Variants in DENND1A observed in about 807,000 individuals in gnomAD.
The protein encoded by DENND1A is DENN domain containing 1A.
Under a neutral mutation model 113.7 loss-of-function variants are expected in DENND1A, and 51 were observed. That is an observed-to-expected ratio of 0.45 (90% confidence interval 0.36 to 0.57). The LOEUF is 0.57. DENND1A is among the 20% of genes least tolerant of loss of function. The pLI, the probability that DENND1A is intolerant of heterozygous loss-of-function variation, is 0.00. For missense variants in DENND1A, 1,258 were observed against 1,395.9 expected (o/e 0.90, Z 1.57); for synonymous variants, 565 against 570.8 (o/e 0.99, Z 0.14).
At chr9:123,895,205 A>AATG (rs1850536752) in intron 1 of DENND1A, among the ~76,000 whole-genome samples, 1 of 152,146 alleles carries the variant, frequency 6.6e-6, no homozygotes, top group African/African-American at 2.4e-5. Context: ...AGGTGCTGGG[A>AATG]CCATAGCTGC....
intron 2 of DENND1A, among the ~76,000 whole-genome samples, chr9:123,803,252 G>A (rs189849354): frequency 1.3e-5 from 2 of 152,254 alleles, no homozygotes; most frequent in East Asian, 3.9e-4. Context: ...TAAGGTATGT[G>A]GCTGGACAAA....
intron 3 of DENND1A, among the ~76,000 whole-genome samples, chr9:123,785,489 T>G (rs975033614): frequency 2.9e-4 from 42 of 144,262 alleles, no homozygotes; most frequent in Admixed American, 2.8e-3. Flanking sequence ...TGTGATAGAC[T>G]ATTTTTTTTT....
chr9:123,675,209 A>G (rs2064000167), intron 6 of DENND1A, among the ~76,000 whole-genome samples: 1 of 152,206 alleles, frequency 6.6e-6, no homozygotes, highest in Non-Finnish European at 1.5e-5. Flanking sequence ...CTCTAAAAAA[A>G]TGATTTAGTC....
chr9:123,481,424 G>A (rs1170889261), intron 13 of DENND1A, among the ~76,000 whole-genome samples: 1 of 152,246 alleles, frequency 6.6e-6, no homozygotes, highest in African/African-American at 2.4e-5. Context: ...GGAAGGACGC[G>A]TGCATTTACA....
At chr9:123,623,888 T>TG (rs2061073316) in intron 10 of DENND1A, among the ~76,000 whole-genome samples, 1 of 152,202 alleles carries the variant, frequency 6.6e-6, no homozygotes, top group African/African-American at 2.4e-5. Flanking sequence ...AACATGTCTT[T>TG]GTCCAGAAGT....
chr9:123,573,032 T>C (rs1307489307), intron 12 of DENND1A, among the ~76,000 whole-genome samples: 1 of 152,158 alleles, frequency 6.6e-6, no homozygotes, highest in African/African-American at 2.4e-5. Context: ...AGCACGTTTG[T>C]TGGAATAAAA....
intron 2 of DENND1A, among the ~76,000 whole-genome samples, chr9:123,848,359 T>G (rs1178692592): frequency 6.6e-6 from 1 of 152,116 alleles, no homozygotes; most frequent in African/African-American, 2.4e-5. Flanking sequence ...TTTAAATTAT[T>G]ATTATATCTG....
chr9:123,772,303 G>T (rs1829845353), intron 3 of DENND1A, among the ~76,000 whole-genome samples: 1 of 152,134 alleles, frequency 6.6e-6, no homozygotes. Flanking sequence ...AAGAGTGGGG[G>T]CTTTAAAATC....
At chr9:123,415,107 G>A (rs2044615717) in intron 19 of DENND1A, among the ~76,000 whole-genome samples, 1 of 152,214 alleles carries the variant, frequency 6.6e-6, no homozygotes, top group African/African-American at 2.4e-5. Context: ...AAAGTTAGCA[G>A]AGTGAGCCAG....
chr9:123,629,663 T>G (rs993230374), intron 10 of DENND1A, among the ~76,000 whole-genome samples: 1 of 152,242 alleles, frequency 6.6e-6, no homozygotes, highest in Non-Finnish European at 1.5e-5. Context: ...AAACCTTTGT[T>G]TCTTCCTTCT....
chr9:123,698,871 A>C (rs1325201660), intron 5 of DENND1A, among the ~76,000 whole-genome samples: 1 of 152,240 alleles, frequency 6.6e-6, no homozygotes, highest in Non-Finnish European at 1.5e-5. Flanking sequence ...GGACTAGCAG[A>C]AGAGAAGAAG....
chr9:123,763,818 G>A (rs2071243377), intron 4 of DENND1A, among the ~76,000 whole-genome samples: 1 of 152,032 alleles, frequency 6.6e-6, no homozygotes, highest in East Asian at 1.9e-4. Flanking sequence ...GCAATATGGA[G>A]GTTTTAGATG....
intron 13 of DENND1A, among the ~76,000 whole-genome samples, chr9:123,550,537 C>CCCT (rs1415895987): frequency 6.6e-6 from 1 of 152,190 alleles, no homozygotes; most frequent in Non-Finnish European, 1.5e-5. Flanking sequence ...GGGAGAGGAA[C>CCCT]CCTCACATGC....
At chr9:123,393,261 G>A (rs1194464149) in intron 21 of DENND1A, among the ~76,000 whole-genome samples, 1 of 152,182 alleles carries the variant, frequency 6.6e-6, no homozygotes, top group African/African-American at 2.4e-5. Context: ...AGTAGATTCT[G>A]GGCATCTGTA....
intron 9 of DENND1A, among the ~76,000 whole-genome samples, chr9:123,636,797 T>C (rs1449678769): frequency 1.3e-5 from 2 of 149,598 alleles, no homozygotes; most frequent in African/African-American, 5.0e-5. Flanking sequence ...GCCTGCCAGG[T>C]TCAACTCTCC....
chr9:123,920,535 C>T (rs569967293), intron 1 of DENND1A, among the ~76,000 whole-genome samples: 2 of 152,102 alleles, frequency 1.3e-5, no homozygotes, highest in African/African-American at 4.8e-5. Context: ...AATAGATTTC[C>T]AATATTTATG....
At chr9:123,709,838 G>T (rs572831123) in intron 5 of DENND1A, among the ~76,000 whole-genome samples, 35 of 152,278 alleles carry the variant, frequency 2.3e-4, no homozygotes, top group African/African-American at 7.5e-4. Context: ...CAAGACAAAG[G>T]ATCCAAAATT....
chr9:123,593,830 G>A (rs563957952), intron 11 of DENND1A, among the ~76,000 whole-genome samples: 12 of 152,282 alleles, frequency 7.9e-5, no homozygotes, highest in African/African-American at 2.9e-4. Context: ...AATTCCCAGT[G>A]TTGGAGGAGG....
chr9:123,645,548 A>G (rs901768595), intron 9 of DENND1A, among the ~76,000 whole-genome samples: 1 of 152,222 alleles, frequency 6.6e-6, no homozygotes, highest in Non-Finnish European at 1.5e-5. Flanking sequence ...AAGTCTGCTC[A>G]GCTACGTCAT....
Sources: allele counts gnomAD v4.1 joint callset (sites outside exome capture counted in the v4.1 genomes callset), GRCh38; gene constraint gnomAD v4.1.1; transcripts MANE v1.5; gene names NCBI Gene and HGNC (gene_info 2026-07-23, HGNC 2026-07-21).